Variants in CD244 observed in about 807,000 individuals in gnomAD.
The protein encoded by CD244 is CD244 molecule.
In CD244, 20 loss-of-function variants were observed where a neutral mutation model predicts 45.5. The ratio of observed to expected loss-of-function variants is 0.44; its 90% CI spans 0.31 to 0.64. The LOEUF (loss-of-function observed/expected upper bound fraction) is 0.64. Ranked by LOEUF, CD244 falls within the 30% of genes least tolerant of loss-of-function variation. The pLI, the probability that CD244 is intolerant of heterozygous loss-of-function variation, is 0.08. For synonymous variants in CD244, 185 were observed against 160.5 expected, an observed-to-expected ratio of 1.15 and a Z score of -1.15; for missense variants, 407 against 426.9, an observed-to-expected ratio of 0.95 and a Z score of 0.41.
intron 3 of CD244, among the ~76,000 whole-genome samples, chr1:160,840,078 A>T (rs1669480236): frequency 6.6e-6 from 1 of 151,614 alleles, no homozygotes; most frequent in African/African-American, 2.4e-5. Flanking sequence ...TCAAGGGGGG[A>T]AGAAAATTGA....
At chr1:160,847,766 T>C (rs1008397783) in intron 1 of CD244, among the ~76,000 whole-genome samples, 1 of 152,022 alleles carries the variant, frequency 6.6e-6, no homozygotes, top group African/African-American at 2.4e-5. Context: ...TAATGCAAGA[T>C]TCAATCTCAA....
chr1:160,846,865 G>A (rs1176040585), intron 1 of CD244, among the ~76,000 whole-genome samples: 1 of 152,082 alleles, frequency 6.6e-6, no homozygotes, highest in Non-Finnish European at 1.5e-5. Flanking sequence ...TAAAAGTGGG[G>A]GGATAGAGCT....
intron 1 of CD244, among the ~76,000 whole-genome samples, chr1:160,850,916 TC>T (rs1339072203): frequency 6.6e-6 from 1 of 152,234 alleles, no homozygotes; most frequent in Non-Finnish European, 1.5e-5. Context: ...AAACTGGGTT[TC>T]CCGTTATTCC....
At chr1:160,859,241 A>C (rs1487908317) in intron 1 of CD244, among the ~76,000 whole-genome samples, 1 of 152,216 alleles carries the variant, frequency 6.6e-6, no homozygotes, top group Non-Finnish European at 1.5e-5. Context: ...ACAGAGAGCG[A>C]GGTCCAGGAC....
At chr1:160,832,870 G>GTGTGTA (rs1336342075) in intron 7 of CD244, among the ~76,000 whole-genome samples, 1 of 117,852 alleles carries the variant, frequency 8.5e-6, no homozygotes, top group Non-Finnish European at 2.0e-5. Flanking sequence ...GTGTGTGTGT[G>GTGTGTA]TATATATATA....
intron 1 of CD244, among the ~76,000 whole-genome samples, chr1:160,846,175 C>CAA (rs1011467033): frequency 6.6e-6 from 1 of 152,110 alleles, no homozygotes; most frequent in African/African-American, 2.4e-5. Flanking sequence ...ACACTGCACT[C>CAA]TATTTATAGT....
intron 1 of CD244, among the ~76,000 whole-genome samples, chr1:160,855,179 G>A (rs1670061957): frequency 6.6e-6 from 1 of 152,228 alleles, no homozygotes; most frequent in South Asian, 2.1e-4. Context: ...TTGTTGGTTT[G>A]TGGAGGCTGA....
rs969979898 is a variant in CD244 at position 160,830,720 on chromosome 1, C to G, written c.*627G>C. 2 of 152,652 alleles carry G rather than the reference C, an allele frequency of 1.3e-5. No individual in the cohort carries two copies. The highest frequency in any genetic ancestry group is 4.8e-5 in the African/African-American group (2 of 41,470). The allele number at this position is 152,652 out of a possible 1,614,324, so 9.5% of individuals were successfully genotyped here. A position where few individuals can be genotyped will look rare whatever the true frequency, so the allele number is the denominator to read the frequency against. Reference sequence around the variant, plus strand: ...ATGGGCTTGCTTTGCACCATCTACTCTCCCTTCAGCCCACTCCCCCTGGTG... The same window carrying G: ...ATGGGCTTGCTTTGCACCATCTACTGTCCCTTCAGCCCACTCCCCCTGGTG... On this transcript the variant is annotated 3_prime_UTR_variant, in exon 9 of 9. Transcript: ENST00000368034.
At position 160,834,260 on chromosome 1, in the gene CD244, G is replaced by T. The variant is rs930086738; in HGVS notation, c.895-144C>A. On this transcript the variant is annotated intron_variant, in intron 6 of 8. Coordinates refer to ENST00000368034, the MANE Select transcript of CD244 (RefSeq NM_016382.4). Reference sequence around the variant, plus strand: ...AAAAGAGCCCTGGACTAGCCAGGAGGTCAGACAACCTGAGTGCTAGTCTCG... The same window carrying T: ...AAAAGAGCCCTGGACTAGCCAGGAGTTCAGACAACCTGAGTGCTAGTCTCG... 1.4e-5 allele frequency: 9 copies of T among 627,132 alleles called. No homozygotes were observed. In the Admixed American group the frequency reaches 1.7e-4, roughly 12 times the overall value. The allele number at this position is 627,132 out of a possible 1,614,324, so 38.8% of individuals were successfully genotyped here.
At position 160,838,936 on chromosome 1, in the gene CD244, C is replaced by T; in HGVS notation, c.766+3G>A. On this transcript the variant is annotated splice_donor_region_variant and intron_variant, in intron 4 of 8. Transcript: ENST00000368034. The stretch of plus-strand genomic sequence containing the variant: ...AGCACCACCCTAAGGACCTTCCACT[C>T]ACCTGACTGCTTCTCCTTCCTCTTT... 1 of 1,607,422 alleles carries T rather than the reference C, an allele frequency of 6.2e-7. No individual in the cohort carries two copies. The highest frequency in any genetic ancestry group is 2.2e-5 in the East Asian group (1 of 44,856).
chr1:160,836,836 T>C (rs866375747), intron 5 of CD244, among the ~76,000 whole-genome samples: 1 of 152,112 alleles, frequency 6.6e-6, no homozygotes, highest in African/African-American at 2.4e-5. Context: ...ACTGAAAGCA[T>C]ATTGCCAGTT....
chr1:160,857,286 C>T lies in CD244; in HGVS notation c.61+5331G>A, dbSNP rs77063735. ...CATCTGCTAGAGTTACGTACACATA[C>T]TCCATGGTTCTGCCCCTAGAGATAT... On this transcript the variant is annotated intron_variant, in intron 1 of 8. Coordinates refer to ENST00000368034, the MANE Select transcript of CD244 (RefSeq NM_016382.4). Among the ~76,000 whole-genome samples, 98 of 152,338 alleles carry T rather than the reference C, an allele frequency of 6.4e-4. 1 individual carries two copies. The highest frequency in any genetic ancestry group is 2.3e-3 in the African/African-American group (97 of 41,572).
rs537017881 is a variant in CD244, at chr1:160,840,350, C to T, written c.655+860G>A. Among the ~76,000 whole-genome samples the T allele has an allele frequency of 3.3e-5, 5 of 152,260 alleles. No homozygotes were observed. The South Asian group carries it at 8.3e-4, about 25-fold the overall frequency. ...GATCTTGACTCACTGCAACCTCCGC[C>T]TCCTGGGTTCAAGCAATTCTCCTGC... is the stretch of plus-strand genomic sequence containing the variant. On this transcript the variant is annotated intron_variant, in intron 3 of 8. Transcript: ENST00000368034.
intron 3 of CD244, among the ~76,000 whole-genome samples, chr1:160,840,551 C>T (rs1669502279): frequency 6.6e-6 from 1 of 152,168 alleles, no homozygotes; most frequent in African/African-American, 2.4e-5. Flanking sequence ...AGCCACTGCG[C>T]CCGGCCTGCC....
intron 1 of CD244, among the ~76,000 whole-genome samples, chr1:160,854,599 G>A (rs1343463318): frequency 7.0e-6 from 1 of 142,092 alleles, no homozygotes; most frequent in Non-Finnish European, 1.5e-5. Flanking sequence ...TCGCCATATT[G>A]GCCAGGCTGG....
At chr1:160,852,412 C>T (rs1003422409) in intron 1 of CD244, among the ~76,000 whole-genome samples, 3 of 151,488 alleles carry the variant, frequency 2.0e-5, no homozygotes, top group East Asian at 2.0e-4. Context: ...TAGCAGAGCA[C>T]GGTGGTGGCG....
At chr1:160,843,426 A>T (rs1182815341) in intron 1 of CD244, among the ~76,000 whole-genome samples, 1 of 152,066 alleles carries the variant, frequency 6.6e-6, no homozygotes, top group East Asian at 1.9e-4. Flanking sequence ...TCATTACTAA[A>T]CCTACAAGGA....
chr1:160,862,175 C>T (rs1038411438), intron 1 of CD244, among the ~76,000 whole-genome samples: 9 of 152,214 alleles, frequency 5.9e-5, no homozygotes, highest in Admixed American at 5.9e-4. Flanking sequence ...TGGCCTCGCC[C>T]TCCCCTCCCT....
chr1:160,840,657 C>G (rs1249340913), intron 3 of CD244, among the ~76,000 whole-genome samples: 2 of 151,644 alleles, frequency 1.3e-5, no homozygotes, highest in African/African-American at 4.8e-5. Flanking sequence ...TTTTTTTTTC[C>G]TATAATGCCC....
Sources: allele counts gnomAD v4.1 joint callset (sites outside exome capture counted in the v4.1 genomes callset), GRCh38; gene constraint gnomAD v4.1.1; transcripts MANE v1.5; gene names NCBI Gene and HGNC (gene_info 2026-07-23, HGNC 2026-07-21).